Variants in DNAJA4 observed in about 807,000 individuals in gnomAD.
DNAJA4 encodes dnaJ homolog subfamily A member 4.
DNAJA4 carries 32 observed loss-of-function variants against 39.7 expected under a neutral mutation model. The ratio of observed to expected loss-of-function variants is 0.81; its 90% confidence interval spans 0.61 to 1.08. The LOEUF (loss-of-function observed/expected upper bound fraction) is 1.08. Ranked by LOEUF, DNAJA4 falls within the 50% of genes least tolerant of loss-of-function variation. The pLI is 0.00. For missense variants in DNAJA4, 439 were observed against 505.1 expected, an observed-to-expected ratio of 0.87 and a Z score of 1.25; for synonymous variants, 184 against 182.4, an observed-to-expected ratio of 1.01 and a Z score of -0.07.
At chr15:78,265,660 G>A (rs2049102215) in intron 1 of DNAJA4, 2 of 702,308 alleles carry the variant, frequency 2.8e-6, no homozygotes, top group African/African-American at 1.7e-5. Flanking sequence ...TCTCTAAAGA[G>A]GCTCATGACC....
chr15:78,271,067 A>C (rs1345003808), intron 2 of DNAJA4, among the ~76,000 whole-genome samples: 2 of 151,884 alleles, frequency 1.3e-5, no homozygotes. Flanking sequence ...ACAAACAAAC[A>C]AACAAAAAAC....
chr15:78,270,829 G>A, intron 2 of DNAJA4, 152 bp downstream of exon 2: 2 of 827,374 alleles, frequency 2.4e-6, no homozygotes, highest in East Asian at 5.6e-5. Flanking sequence ...AGGCCAAGGT[G>A]GGAGAATTGT....
chr15:78,280,976 G>A lies in DNAJA4; in HGVS notation c.*516G>A, dbSNP rs1567120809. The A allele has an allele frequency of 6.4e-6, 1 of 155,400 alleles. No homozygotes were observed. Among genetic ancestry groups the A allele is most frequent in the Non-Finnish European group, 1.4e-5 (1 of 70,088 alleles). 9.6% of individuals were successfully genotyped at this position (155,400 alleles called of 1,614,324 possible). A position where few individuals can be genotyped will look rare whatever the true frequency, so the allele number is the denominator to read the frequency against. On this transcript the variant is annotated 3_prime_UTR_variant, in exon 7 of 7. Coordinates refer to ENST00000394852, the MANE Select transcript of DNAJA4 (RefSeq NM_001130182.2). ...TAGATGATCCTCTTAAAGAATAAAA[G>A]CACATCCGTGGATCGGACATGGCTG...
At chr15:78,270,703 T>A in intron 2 of DNAJA4, 26 bp downstream of exon 2, 1 of 1,606,082 alleles carries the variant, frequency 6.2e-7, no homozygotes, top group Non-Finnish European at 8.5e-7. Flanking sequence ...GAAACATAAA[T>A]AAGTTGTATG....
At chr15:78,280,218 C>T (rs1303083050) in intron 6 of DNAJA4, 27 bp from the exon 7 acceptor site, 1 of 1,611,282 alleles carries the variant, frequency 6.2e-7, no homozygotes, top group South Asian at 1.1e-5. Flanking sequence ...AAACAGCCAC[C>T]TTTCTTTCCC....
chr15:78,265,819 C>T, intron 1 of DNAJA4: 1 of 616,970 alleles, frequency 1.6e-6, no homozygotes, highest in Non-Finnish European at 2.9e-6. Flanking sequence ...TAGCTGATAG[C>T]AGTGTCACTT....
chr15:78,267,032 CAG>C lies in DNAJA4; in HGVS notation c.132+2144_132+2145del, dbSNP rs1403388042. Among the ~76,000 whole-genome samples, 6 of 152,086 alleles carry C rather than the reference CAG, an allele frequency of 3.9e-5. No individual in the cohort carries two copies. In the South Asian group the frequency reaches 6.2e-4, roughly 16 times the overall value. ...TTATAGAAACGGCTGTAGAGTTCCCCAGAGAGAGCTCATTCATTCATTCATTC... is the reference window on the plus strand; with the variant it reads ...TTATAGAAACGGCTGTAGAGTTCCCCAGAGAGCTCATTCATTCATTCATTC... On this transcript the variant is annotated intron_variant, in intron 1 of 6. Coordinates refer to ENST00000394852, the MANE Select transcript of DNAJA4 (RefSeq NM_001130182.2).
intron 1 of DNAJA4, among the ~76,000 whole-genome samples, chr15:78,266,780 T>G (rs74691368): frequency 0.018 from 2,710 of 152,334 alleles, 77 homozygotes; most frequent in African/African-American, 0.06. Context: ...AGCAGGGCAG[T>G]GACTGTGCCC....
chr15:78,279,528 A>G lies in DNAJA4; in HGVS notation c.878-517A>G, dbSNP rs11631859. The stretch of plus-strand genomic sequence containing the variant: ...CATTGTGACCATGAAGGAGTCTGCC[A>G]GTGGCCAAGCCACCTAGTGAGCTCC... On this transcript the variant is annotated intron_variant, in intron 5 of 6. Transcript: ENST00000394852. The surrounding 1 kb of genome is among the most constrained non-coding windows in gnomAD (Gnocchi z 4.5). 0.014 allele frequency: 2,277 copies of G among 162,232 alleles called. 30 individuals are homozygous for G. Among genetic ancestry groups the G allele is most frequent in the Non-Finnish European group, 0.022 (1,637 of 72,996 alleles). The allele number at this position is 162,232 out of a possible 1,614,324, so 10.0% of individuals were successfully genotyped here. A position where few individuals can be genotyped will look rare whatever the true frequency, so the allele number is the denominator to read the frequency against.
chr15:78,264,266 T>A (rs1346761792), upstream of DNAJA4: 3 of 1,271,316 alleles, frequency 2.4e-6, no homozygotes, highest in Non-Finnish European at 3.0e-6. Context: ...GCGGGACAGT[T>A]GTCGGAGGGC....
Position 78,267,465 on chromosome 15 carries a change from G to GC in DNAJA4, c.132+2570_132+2571insC, listed in dbSNP as rs1555438110. ...ATGGAGTCTGTACTTCTCTGCGGGT[G>GC]TTTTTTTTTTGTTTTTTGTTTTTTT... On this transcript the variant is annotated intron_variant, in intron 1 of 6. Transcript: ENST00000394852. 1.2e-3 allele frequency among the ~76,000 whole-genome samples: 183 copies of GC among 148,060 alleles called. 1 individual carries two copies. Among genetic ancestry groups the GC allele is most frequent in the African/African-American group, 3.7e-3 (150 of 40,238 alleles).
At chr15:78,277,107 A>G (rs2049487341) in intron 5 of DNAJA4, among the ~76,000 whole-genome samples, 1 of 152,226 alleles carries the variant, frequency 6.6e-6, no homozygotes, top group Non-Finnish European at 1.5e-5. Flanking sequence ...CCATCCATAT[A>G]TGATTTGTCT....
rs182614421 is a variant in DNAJA4, at chr15:78,274,876, A to G, written c.646+452A>G. 24 of 196,638 alleles carry G rather than the reference A, an allele frequency of 1.2e-4. No individual in the cohort carries two copies. The Admixed American group carries it at 1.3e-3, about 11-fold the overall frequency. 12.2% of individuals were successfully genotyped at this position (196,638 alleles called of 1,614,324 possible). A position where few individuals can be genotyped will look rare whatever the true frequency, so the allele number is the denominator to read the frequency against. On this transcript the variant is annotated intron_variant, in intron 4 of 6. Coordinates refer to ENST00000394852, the MANE Select transcript of DNAJA4 (RefSeq NM_001130182.2). ...CCATGTGCTGCATCAGATTCCCCCA[A>G]ATACAGCACCTTCTCCTGCTATTCA...
chr15:78,275,793 A>G (rs2049440065), intron 5 of DNAJA4, 65 bp downstream of exon 5: 1 of 1,190,312 alleles, frequency 8.4e-7, no homozygotes, highest in Non-Finnish European at 1.2e-6. Flanking sequence ...CTGGCAAGTT[A>G]GCCTGATTTT....
At chr15:78,273,843 C>T (rs1240158486) in intron 3 of DNAJA4, among the ~76,000 whole-genome samples, 4 of 152,222 alleles carry the variant, frequency 2.6e-5, no homozygotes, top group Non-Finnish European at 5.9e-5. Context: ...GTAGCTGCCA[C>T]TATTGACAGA....
Position 78,273,073 on chromosome 15 carries a change from ATTT to A in DNAJA4, c.314-16_314-14del. ...TGGTATATTTCATTCAACGCCACTA[ATTT>A]TTTTTCTCCCTTGCTAAGGCAAGAA... On this transcript the variant is annotated intron_variant, in intron 2 of 6. Transcript: ENST00000394852. The A allele has an allele frequency of 7.2e-7, 1 of 1,391,116 alleles. No homozygotes were observed. The highest frequency in any genetic ancestry group is 1.0e-6 in the Non-Finnish European group (1 of 982,166). 86.2% of individuals were successfully genotyped at this position (1,391,116 alleles called of 1,614,324 possible). A position where few individuals can be genotyped will look rare whatever the true frequency, so the allele number is the denominator to read the frequency against.
In DNAJA4 at chr15:78,280,378, A is replaced by G; in HGVS notation, c.1112A>G (p.Glu371Gly). ...GAGCTGAAGGAGTTTTGTCCCAATG[A>G]GCAGAACTGGCGTCAGCACAGGGAG... ...QVELKEFCPNEQNWRQHREAY... is the reference protein window; with the variant it reads ...QVELKEFCPNGQNWRQHREAY... Residue 371 changes from glutamate to glycine, a missense_variant, in exon 7 of 7, where the codon GAG becomes GGG. Coordinates refer to ENST00000394852, the MANE Select transcript of DNAJA4 (RefSeq NM_001130182.2). 6.2e-7 allele frequency: 1 copy of G among 1,614,198 alleles called. No individual in the cohort carries two copies. The highest frequency in any genetic ancestry group is 2.2e-5 in the East Asian group (1 of 44,874).
chr15:78,265,769 G>A, intron 1 of DNAJA4: 1 of 666,268 alleles, frequency 1.5e-6, no homozygotes, highest in South Asian at 1.7e-5. Context: ...ACAAAACTTT[G>A]GTTGTTCCGC....
chr15:78,280,577 A>G lies in DNAJA4; in HGVS notation c.*117A>G. 3 of 845,586 alleles carry G rather than the reference A, an allele frequency of 3.5e-6. No individual in the cohort carries two copies. The highest frequency in any genetic ancestry group is 1.9e-5 in the South Asian group (1 of 52,130). 52.4% of individuals were successfully genotyped at this position (845,586 alleles called of 1,614,324 possible). A position where few individuals can be genotyped will look rare whatever the true frequency, so the allele number is the denominator to read the frequency against. On this transcript the variant is annotated 3_prime_UTR_variant, in exon 7 of 7. Transcript: ENST00000394852. ...TTTGGGATGTCCTGTGTATGTGTTC[A>G]GCATTCTTAATTGCTGAGTGTCTTT...
Sources: gnomAD v4.1 joint callset for allele counts (sites outside exome capture counted in the v4.1 genomes callset) on GRCh38, gnomAD v4.1.1 for gene constraint, Gnocchi (gnomAD v3.1) non-coding constraint, MANE v1.5 for transcripts, NCBI Gene and HGNC (gene_info 2026-07-23, HGNC 2026-07-21) for gene names.